The following TNNI3K variants were observed in gnomAD, a reference collection of about 807,000 sequenced individuals.
The protein encoded by TNNI3K is TNNI3 interacting kinase.
In TNNI3K, 140 loss-of-function variants were observed where a neutral mutation model predicts 114.5. That is an observed-to-expected ratio of 1.22 (90% CI 1.07 to 1.41). The LOEUF is 1.41. TNNI3K is among the 40% of genes most tolerant of loss of function. The pLI, the probability that TNNI3K is intolerant of heterozygous loss-of-function variation, is 0.00. For missense variants in TNNI3K, 1,125 were observed against 1,007.6 expected, an observed-to-expected ratio of 1.12 and a Z score of -1.58; for synonymous variants, 347 against 347.5, an observed-to-expected ratio of 1.00 and a Z score of 0.02.
chr1:74,253,556 C>T (rs987572997), intron 4 of TNNI3K, among the ~76,000 whole-genome samples: 4 of 152,148 alleles, frequency 2.6e-5, no homozygotes, highest in Admixed American at 6.5e-5. Context: ...CTGGGGGACC[C>T]GGAGCACCCT....
chr1:74,350,453 G>A (rs1661277302), intron 9 of TNNI3K, among the ~76,000 whole-genome samples: 1 of 152,134 alleles, frequency 6.6e-6, no homozygotes, highest in Non-Finnish European at 1.5e-5. Flanking sequence ...TGTTGATTTG[G>A]GGTGGAGAGT....
At chr1:74,352,274 AG>A (rs1661397744) in intron 9 of TNNI3K, among the ~76,000 whole-genome samples, 1 of 152,184 alleles carries the variant, frequency 6.6e-6, no homozygotes. Flanking sequence ...TGGTGGCTGC[AG>A]AACAGTGGAT....
chr1:74,374,123 G>A (rs1258559207), intron 17 of TNNI3K: 1 of 151,838 alleles, frequency 6.6e-6, no homozygotes, highest in African/African-American at 2.4e-5. Flanking sequence ...AGGAAAAAGA[G>A]TCTATACATC....
Position 74,360,954 on chromosome 1 carries a change from A to G in TNNI3K, c.1178-6302A>G, listed in dbSNP as rs545463167. ...GAATTCAGTGGATGACTCCTAATAG[A>G]TATTCATGCTTGTTGAAATCAGTAA... is the stretch of plus-strand genomic sequence containing the variant. On this transcript the variant is annotated intron_variant, in intron 11 of 24. Coordinates refer to ENST00000326637, the MANE Select transcript of TNNI3K (RefSeq NM_015978.3). Among the ~76,000 whole-genome samples, 3 of 152,154 alleles carry G rather than the reference A, an allele frequency of 2.0e-5. No homozygotes were observed. In the South Asian group the frequency reaches 6.2e-4, roughly 32 times the overall value.
chr1:74,442,162 T>C (rs1257479388), intron 20 of TNNI3K, among the ~76,000 whole-genome samples: 1 of 151,990 alleles, frequency 6.6e-6, no homozygotes, highest in African/African-American at 2.4e-5. Context: ...TATTCTTTGG[T>C]TTATTCCTTT....
rs45598336 is a variant in TNNI3K, at chr1:74,272,923, C to T, written c.444+1215C>T. ...CTCAAAATCCCATGATTGTCACACT[C>T]TATCAATTGTGGAAACACCAATAGC... On this transcript the variant is annotated intron_variant, in intron 5 of 24. Coordinates refer to ENST00000326637, the MANE Select transcript of TNNI3K (RefSeq NM_015978.3). 2.0e-3 allele frequency among the ~76,000 whole-genome samples: 310 copies of T among 152,038 alleles called. 1 individual carries two copies. The highest frequency in any genetic ancestry group is 0.01 in the Middle Eastern group (3 of 294).
chr1:74,475,540 G>A (rs899246174), intron 21 of TNNI3K: 1 of 717,338 alleles, frequency 1.4e-6, no homozygotes, highest in Non-Finnish European at 2.6e-6. Flanking sequence ...AAGGGTTGCA[G>A]ACTCAGAGGC....
intron 21 of TNNI3K, chr1:74,480,464 T>G (rs1315242159): frequency 4.2e-6 from 3 of 717,498 alleles, no homozygotes; most frequent in Non-Finnish European, 7.8e-6. Context: ...AGTAAACACA[T>G]CCGGCATGTG....
chr1:74,511,422 T>C (rs558337301), intron 23 of TNNI3K, among the ~76,000 whole-genome samples: 1 of 152,276 alleles, frequency 6.6e-6, no homozygotes. Flanking sequence ...GGTCTCGAAC[T>C]CCTGACCTCA....
intron 23 of TNNI3K, among the ~76,000 whole-genome samples, chr1:74,537,663 T>G (rs1646676104): frequency 6.6e-6 from 1 of 152,200 alleles, no homozygotes; most frequent in South Asian, 2.1e-4. Context: ...ATCTCTGACC[T>G]CCAGGAGCTA....
At chr1:74,248,421 GT>G (rs1317568947) in intron 2 of TNNI3K, among the ~76,000 whole-genome samples, 2 of 152,198 alleles carry the variant, frequency 1.3e-5, no homozygotes, top group Admixed American at 6.5e-5. Flanking sequence ...GCCTGAGGAG[GT>G]GCCGAGAGCG....
At chr1:74,363,355 A>G (rs997954124) in intron 11 of TNNI3K, among the ~76,000 whole-genome samples, 4 of 152,054 alleles carry the variant, frequency 2.6e-5, no homozygotes, top group African/African-American at 9.7e-5. Context: ...GATGCCTTCC[A>G]GAGCTGAGGG....
At chr1:74,370,924 A>T (rs1046202437) in intron 17 of TNNI3K, 2 of 151,870 alleles carry the variant, frequency 1.3e-5, no homozygotes, top group African/African-American at 4.8e-5. Flanking sequence ...AATAGTGAAA[A>T]CTTTCTCTGA....
In TNNI3K at chr1:74,248,004, G is replaced by A. The variant is rs547446315; in HGVS notation, c.150-1455G>A. Among the ~76,000 whole-genome samples, 571 of 152,254 alleles carry A rather than the reference G, an allele frequency of 3.8e-3. 4 individuals carry two copies. Among genetic ancestry groups the A allele is most frequent in the African/African-American group, 0.013 (548 of 41,556 alleles). ...GCCTGGGAGCCCACGGGGGTAGGGG[G>A]GTGGAGGGGCCTTGGGCATGGCGGG... On this transcript the variant is annotated intron_variant, in intron 2 of 24. Coordinates refer to ENST00000326637, the MANE Select transcript of TNNI3K (RefSeq NM_015978.3).
At chr1:74,338,927 T>A (rs1438474431) in intron 7 of TNNI3K, among the ~76,000 whole-genome samples, 2 of 152,124 alleles carry the variant, frequency 1.3e-5, no homozygotes, top group African/African-American at 4.8e-5. Context: ...TCTGTTTCAT[T>A]TTGTTAGTCT....
intron 5 of TNNI3K, among the ~76,000 whole-genome samples, chr1:74,322,541 A>G (rs45508791): frequency 0.015 from 2,240 of 148,824 alleles, 55 homozygotes; most frequent in African/African-American, 0.053. Context: ...GCTCACGGCA[A>G]CCTCCACCTC....
intron 17 of TNNI3K, among the ~76,000 whole-genome samples, chr1:74,391,615 A>G (rs1663775638): frequency 6.6e-6 from 1 of 152,210 alleles, no homozygotes; most frequent in South Asian, 2.1e-4. Flanking sequence ...AGCAGTTGGA[A>G]ATGCAAATCT....
chr1:74,523,539 C>A (rs1037111250), intron 23 of TNNI3K, among the ~76,000 whole-genome samples: 1 of 152,078 alleles, frequency 6.6e-6, no homozygotes, highest in African/African-American at 2.4e-5. Context: ...AAGTTATAGG[C>A]TATGCCTGGC....
chr1:74,384,748 C>G (rs1179284022), intron 17 of TNNI3K, among the ~76,000 whole-genome samples: 2 of 152,062 alleles, frequency 1.3e-5, no homozygotes, highest in African/African-American at 2.4e-5. Flanking sequence ...CTGAAAAAAA[C>G]AGTGGCAACG....
Sources: allele counts gnomAD v4.1 joint callset (sites outside exome capture counted in the v4.1 genomes callset), GRCh38; gene constraint gnomAD v4.1.1; transcripts MANE v1.5; gene names NCBI Gene and HGNC (gene_info 2026-07-23, HGNC 2026-07-21).